The following ZSCAN25 variants were observed in gnomAD, a reference collection of about 807,000 sequenced individuals.
The protein encoded by ZSCAN25 is zinc finger and SCAN domain-containing protein 25.
A neutral mutation model predicts 38.7 loss-of-function variants in ZSCAN25; 27 were observed. The observed-to-expected ratio is 0.70, with a 90% CI of 0.51 to 0.96. ZSCAN25 has a LOEUF of 0.96. Among genes scored for constraint, ZSCAN25 ranks in the 40% least tolerant of loss-of-function variants. ZSCAN25 has a pLI of 0.00. For synonymous variants in ZSCAN25, 273 were observed against 277.7 expected, an observed-to-expected ratio of 0.98 and a Z score of 0.17; for missense variants, 637 against 705.9, an observed-to-expected ratio of 0.90 and a Z score of 1.11.
the ZSCAN25 span, chr7:99,695,688 G>T: frequency 7.0e-7 from 1 of 1,437,818 alleles, no homozygotes; most frequent in Non-Finnish European, 9.7e-7. Flanking sequence ...TTTACTGATG[G>T]AACTAAGCTG....
At chr7:99,643,652 G>C in the ZSCAN25 span, among the ~76,000 whole-genome samples, 2 of 151,940 alleles carry the variant, frequency 1.3e-5, no homozygotes, top group Admixed American at 1.3e-4. Flanking sequence ...GATGGCCCAA[G>C]GAGCAACAGC....
the ZSCAN25 span, chr7:99,652,575 G>C: frequency 5.0e-6 from 8 of 1,612,506 alleles, no homozygotes; most frequent in Non-Finnish European, 5.1e-6. Flanking sequence ...AACTCCTCAG[G>C]CTCTGTCCAG....
chr7:99,699,601 C>G, the ZSCAN25 span, among the ~76,000 whole-genome samples: 1 of 152,112 alleles, frequency 6.6e-6, no homozygotes, highest in African/African-American at 2.4e-5. Context: ...TCCCGAGAAC[C>G]TGGGAAGGGG....
the ZSCAN25 span, among the ~76,000 whole-genome samples, chr7:99,736,862 G>T: frequency 6.6e-6 from 1 of 152,110 alleles, no homozygotes; most frequent in Non-Finnish European, 1.5e-5. Flanking sequence ...GCAGTGTTGT[G>T]CCAGGTATGT....
chr7:99,705,589 G>T, the ZSCAN25 span: 13 of 1,613,344 alleles, frequency 8.1e-6, no homozygotes, highest in Non-Finnish European at 1.1e-5. Flanking sequence ...CGTAATTTCA[G>T]GGGGATCTGC....
At chr7:99,674,667 C>G in the ZSCAN25 span, 1 of 1,196,950 alleles carries the variant, frequency 8.4e-7, no homozygotes, top group African/African-American at 1.5e-5. Context: ...AAAACAGTTG[C>G]GTCCAATGAA....
chr7:99,674,278 T>C, the ZSCAN25 span: 2 of 356,146 alleles, frequency 5.6e-6, no homozygotes, highest in East Asian at 4.4e-5. Flanking sequence ...TATGAGATTC[T>C]TCTCATATTT....
chr7:99,679,370 C>T, the ZSCAN25 span, among the ~76,000 whole-genome samples: 1 of 152,066 alleles, frequency 6.6e-6, no homozygotes, highest in Admixed American at 6.6e-5. Flanking sequence ...AGGGGCAATA[C>T]AGCTACACAT....
chr7:99,689,443 T>G, the ZSCAN25 span, among the ~76,000 whole-genome samples: 1 of 152,104 alleles, frequency 6.6e-6, no homozygotes, highest in Non-Finnish European at 1.5e-5. Flanking sequence ...CCTCGACACA[T>G]ACACCCTCCC....
chr7:99,623,656 T>TA (rs767028341), intron 6 of ZSCAN25, among the ~76,000 whole-genome samples: 40 of 152,378 alleles, frequency 2.6e-4, no homozygotes, highest in Middle Eastern at 3.4e-3. Context: ...CAGTGCTTTT[T>TA]AATTTGGTTG....
At chr7:99,675,229 C>T in the ZSCAN25 span, among the ~76,000 whole-genome samples, 6 of 152,310 alleles carry the variant, frequency 3.9e-5, no homozygotes, top group South Asian at 1.2e-3. Context: ...AATTACAATG[C>T]GTGCTCTGAG....
At chr7:99,683,303 C>A in the ZSCAN25 span, among the ~76,000 whole-genome samples, 1 of 152,156 alleles carries the variant, frequency 6.6e-6, no homozygotes, top group African/African-American at 2.4e-5. Context: ...TTACCTAGCC[C>A]TATCAGTGGA....
the ZSCAN25 span, chr7:99,676,290 T>C: frequency 1.2e-6 from 2 of 1,601,348 alleles, no homozygotes; most frequent in Non-Finnish European, 1.7e-6. Flanking sequence ...GGAACTGGAA[T>C]GGTCAAGAGA....
chr7:99,620,196 G>A, intron 4 of ZSCAN25: 2 of 724,136 alleles, frequency 2.8e-6, no homozygotes, highest in South Asian at 2.0e-5. Context: ...CCATGCAGAA[G>A]GGCCTGAAGC....
the ZSCAN25 span, among the ~76,000 whole-genome samples, chr7:99,704,619 T>C: frequency 2.0e-5 from 3 of 152,000 alleles, no homozygotes; most frequent in Admixed American, 6.6e-5. Context: ...CTATGAATAT[T>C]CTTTCTAAAC....
At chr7:99,706,784 T>G in the ZSCAN25 span, among the ~76,000 whole-genome samples, 1 of 152,242 alleles carries the variant, frequency 6.6e-6, no homozygotes, top group Non-Finnish European at 1.5e-5. Context: ...AATATTTGTA[T>G]GCAAACCAAT....
At chr7:99,709,540 T>C in the ZSCAN25 span, among the ~76,000 whole-genome samples, 1 of 152,164 alleles carries the variant, frequency 6.6e-6, no homozygotes, top group Non-Finnish European at 1.5e-5. Context: ...TTTTTCTTTC[T>C]CATGGAAGCA....
chr7:99,731,138 G>A, the ZSCAN25 span: 1 of 1,613,824 alleles, frequency 6.2e-7, no homozygotes, highest in Non-Finnish European at 8.5e-7. Context: ...AAGTCCATGT[G>A]TACGGGTTCC....
At position 99,629,168 on chromosome 7, in the gene ZSCAN25, C is replaced by T; in HGVS notation, c.806-23C>T. 1 of 1,571,698 alleles carries T rather than the reference C, an allele frequency of 6.4e-7. No homozygotes were observed. The highest frequency in any genetic ancestry group is 1.2e-5 in the South Asian group (1 of 84,478). ...GTCCTGCGGCTACCACAGAATCAAT[C>T]TTTATCTCCTCCTGTCCTGTAGGCG... On this transcript the variant is annotated intron_variant, in intron 7 of 7. Transcript: ENST00000394152. This position sits in a 1 kb window ranked among gnomAD's most constrained non-coding sequence, Gnocchi z 5.6.
Sources: allele counts gnomAD v4.1 joint callset (sites outside exome capture counted in the v4.1 genomes callset), GRCh38; gene constraint gnomAD v4.1.1; non-coding constraint Gnocchi (gnomAD v3.1); transcripts MANE v1.5; gene names NCBI Gene and HGNC (gene_info 2026-07-23, HGNC 2026-07-21).